The following ARMC2 variants were observed in gnomAD, a reference collection of about 807,000 sequenced individuals.
The protein encoded by ARMC2 is armadillo repeat-containing protein 2.
Under a neutral mutation model 90.3 loss-of-function variants are expected in ARMC2, and 67 were observed. That is an observed-to-expected ratio of 0.74 (90% confidence interval 0.61 to 0.91). The LOEUF (loss-of-function observed/expected upper bound fraction) is 0.91, where lower values mean the gene tolerates loss of function less well. Among genes scored for constraint, ARMC2 ranks in the 40% least tolerant of loss-of-function variants. The pLI is 0.00. For synonymous variants in ARMC2, 393 were observed against 393.0 expected (o/e 1.00, Z 0.00); for missense variants, 920 against 1,030.9 (o/e 0.89, Z 1.47).
intron 17 of ARMC2, among the ~76,000 whole-genome samples, chr6:108,969,018 A>T (rs1165617303): frequency 6.6e-6 from 1 of 152,178 alleles, no homozygotes; most frequent in African/African-American, 2.4e-5. Flanking sequence ...AGCACTCCAG[A>T]CTACCATGAG....
rs373388431 is a variant in ARMC2, at chr6:108,868,782, C to T, written c.292-42C>T. ...GCTCTGAGGTAAGTGTTATTTGAGA[C>T]GCAGAAAGTCATTCCAGTTATTTAA... On this transcript the variant is annotated intron_variant, in intron 3 of 17. Transcript: ENST00000392644. The T allele has an allele frequency of 5.5e-5, 88 of 1,590,036 alleles. 1 individual carries two copies. Among genetic ancestry groups the T allele is most frequent in the South Asian group, 3.8e-4 (34 of 88,826 alleles).
chr6:108,855,015 T>C (rs986868625), intron 2 of ARMC2, among the ~76,000 whole-genome samples: 19 of 152,360 alleles, frequency 1.2e-4, no homozygotes, highest in African/African-American at 4.3e-4. Context: ...TTGGCTTCTT[T>C]GACTTAGTAA....
intron 5 of ARMC2, among the ~76,000 whole-genome samples, chr6:108,885,196 C>A (rs1777961216): frequency 6.7e-6 from 1 of 150,240 alleles, no homozygotes. Context: ...TAATAATAAC[C>A]AGTTAGTGAT....
chr6:109,037,034 A>G, the ARMC2 span, among the ~76,000 whole-genome samples: 1 of 152,176 alleles, frequency 6.6e-6, no homozygotes. Context: ...GCCCCCGCCC[A>G]TAATGTGCTG....
the ARMC2 span, among the ~76,000 whole-genome samples, chr6:109,010,495 G>A: frequency 2.0e-5 from 3 of 152,292 alleles, no homozygotes; most frequent in African/African-American, 7.2e-5. Flanking sequence ...ATTTATAGCA[G>A]TAGTTATGGC....
At chr6:108,925,201 A>G (rs1471218072) in intron 10 of ARMC2, among the ~76,000 whole-genome samples, 3 of 152,232 alleles carry the variant, frequency 2.0e-5, no homozygotes, top group Non-Finnish European at 4.4e-5. Flanking sequence ...GTAACTACAG[A>G]GTCCATTTTT....
intron 5 of ARMC2, chr6:108,880,033 C>G (rs1777365571): frequency 6.9e-6 from 3 of 435,738 alleles, no homozygotes; most frequent in Non-Finnish European, 9.2e-6. Flanking sequence ...AAGAGGGCTT[C>G]TGGTTAAAGG....
At chr6:108,991,756 G>C in the ARMC2 span, among the ~76,000 whole-genome samples, 2 of 152,030 alleles carry the variant, frequency 1.3e-5, no homozygotes, top group African/African-American at 4.8e-5. Flanking sequence ...CATCACGCTG[G>C]TCAAAGCCTA....
chr6:108,933,555 G>T (rs1775746411), intron 11 of ARMC2, among the ~76,000 whole-genome samples: 1 of 152,110 alleles, frequency 6.6e-6, no homozygotes, highest in African/African-American at 2.4e-5. Context: ...TATTTTCATG[G>T]TTACACCAGC....
At chr6:108,988,716 T>C in the ARMC2 span, 1 of 1,546,566 alleles carries the variant, frequency 6.5e-7, no homozygotes, top group Non-Finnish European at 8.8e-7. Flanking sequence ...AGAATTATGA[T>C]ATTTTCAGTG....
At chr6:108,966,510 TG>T (rs1474135859) in intron 17 of ARMC2, among the ~76,000 whole-genome samples, 1 of 152,192 alleles carries the variant, frequency 6.6e-6, no homozygotes, top group Admixed American at 6.5e-5. Flanking sequence ...AAACAGAAAC[TG>T]GAACTCAGGA....
At chr6:108,876,443 T>A in intron 5 of ARMC2, 93 bp downstream of exon 5, 1 of 1,368,580 alleles carries the variant, frequency 7.3e-7, no homozygotes, top group Non-Finnish European at 1.0e-6. Flanking sequence ...GTTTGCTTTT[T>A]CTCTTTTATG....
the ARMC2 span, among the ~76,000 whole-genome samples, chr6:108,993,897 C>T: frequency 1.3e-5 from 2 of 151,880 alleles, no homozygotes; most frequent in Admixed American, 6.6e-5. Flanking sequence ...AGAATTTTAA[C>T]TCTAGAAGCA....
intron 4 of ARMC2, among the ~76,000 whole-genome samples, chr6:108,873,169 T>A (rs1238712939): frequency 6.6e-6 from 1 of 152,232 alleles, no homozygotes; most frequent in Non-Finnish European, 1.5e-5. Context: ...CATCCACCAA[T>A]TTATGGCCAC....
chr6:108,868,291 A>T (rs1776039300), intron 3 of ARMC2, among the ~76,000 whole-genome samples: 1 of 152,048 alleles, frequency 6.6e-6, no homozygotes. Context: ...GTCTTGGCTC[A>T]CTGCAACCTC....
At chr6:108,907,632 C>T in intron 8 of ARMC2, 5 of 1,589,936 alleles carry the variant, frequency 3.1e-6, no homozygotes, top group Admixed American at 1.7e-5. Context: ...CGGAGCCACT[C>T]GTGCTTGAGA....
the ARMC2 span, among the ~76,000 whole-genome samples, chr6:109,036,411 T>C: frequency 6.6e-6 from 1 of 152,202 alleles, no homozygotes; most frequent in African/African-American, 2.4e-5. Context: ...TTAACCATCA[T>C]TCTTTGCCTA....
At chr6:108,993,634 C>A in the ARMC2 span, among the ~76,000 whole-genome samples, 1 of 152,104 alleles carries the variant, frequency 6.6e-6, no homozygotes, top group Non-Finnish European at 1.5e-5. Context: ...CTTTAAATTA[C>A]CTGGTTTATA....
At chr6:108,862,342 C>CAAAAAAAAAA (rs71551359) in intron 3 of ARMC2, among the ~76,000 whole-genome samples, 50 of 36,312 alleles carry the variant, frequency 1.4e-3, no homozygotes, top group Non-Finnish European at 1.6e-3. Flanking sequence ...AGACTCATCT[C>CAAAAAAAAAA]AAAAAAAAAA....
Sources: gnomAD v4.1 joint callset for allele counts (sites outside exome capture counted in the v4.1 genomes callset) on GRCh38, gnomAD v4.1.1 for gene constraint, MANE v1.5 for transcripts, NCBI Gene and HGNC (gene_info 2026-07-23, HGNC 2026-07-21) for gene names.